Variants in HS6ST3 observed in about 807,000 individuals in gnomAD.
HS6ST3 encodes the protein heparan-sulfate 6-O-sulfotransferase 3.
A neutral mutation model predicts 36.7 loss-of-function variants in HS6ST3; 12 were observed. The observed-to-expected ratio is 0.33, with a 90% CI of 0.21 to 0.53. The LOEUF is 0.53. Ranked by LOEUF, HS6ST3 falls within the 20% of genes least tolerant of loss-of-function variation. The probability of loss-of-function intolerance (pLI) is 0.95; values close to 1 mark genes in which losing one functional copy is unlikely to be tolerated. For missense variants in HS6ST3, 584 were observed against 640.9 expected (o/e 0.91, Z 0.96); for synonymous variants, 240 against 257.5 (o/e 0.93, Z 0.65).
chr13:96,623,250 A>G (rs1430732669), intron 1 of HS6ST3, among the ~76,000 whole-genome samples: 1 of 152,168 alleles, frequency 6.6e-6, no homozygotes, highest in East Asian at 1.9e-4. Context: ...AGTCTATGTG[A>G]CAGCATATCT....
At chr13:96,469,236 T>G (rs756304996) in intron 1 of HS6ST3, among the ~76,000 whole-genome samples, 20 of 152,162 alleles carry the variant, frequency 1.3e-4, no homozygotes, top group Non-Finnish European at 2.9e-4. Flanking sequence ...CTTAAATACA[T>G]TTTAGAATTA....
At chr13:96,299,613 G>A (rs540165451) in intron 1 of HS6ST3, among the ~76,000 whole-genome samples, 2 of 152,260 alleles carry the variant, frequency 1.3e-5, no homozygotes, top group African/African-American at 4.8e-5. Context: ...GTCTCTAGAG[G>A]CAGCAAGTCC....
intron 1 of HS6ST3, among the ~76,000 whole-genome samples, chr13:96,758,603 C>T (rs949952322): frequency 6.6e-6 from 1 of 151,814 alleles, no homozygotes; most frequent in Non-Finnish European, 1.5e-5. Context: ...TATTATCTAA[C>T]TTTCTTTGTA....
intron 1 of HS6ST3, among the ~76,000 whole-genome samples, chr13:96,412,310 A>G (rs1222093934): frequency 1.3e-5 from 2 of 152,124 alleles, no homozygotes; most frequent in Non-Finnish European, 2.9e-5. Flanking sequence ...GCCGTGCCTG[A>G]TATTTCTAAG....
chr13:96,133,612 G>T (rs942388148), intron 1 of HS6ST3, among the ~76,000 whole-genome samples: 2 of 151,750 alleles, frequency 1.3e-5, no homozygotes, highest in Admixed American at 6.6e-5. Context: ...TAGTAGAATC[G>T]GGGTTTCGCC....
chr13:96,429,324 A>C (rs1187101526), intron 1 of HS6ST3, among the ~76,000 whole-genome samples: 1 of 152,222 alleles, frequency 6.6e-6, no homozygotes, highest in African/African-American at 2.4e-5. Context: ...ATATTATAAA[A>C]TGAACATTGG....
At chr13:96,514,413 G>A (rs941413833) in intron 1 of HS6ST3, among the ~76,000 whole-genome samples, 1 of 152,162 alleles carries the variant, frequency 6.6e-6, no homozygotes, top group Admixed American at 6.5e-5. Context: ...GGTGGCTGCT[G>A]TGGACTGAAT....
chr13:96,170,603 G>A (rs1239367532), intron 1 of HS6ST3, among the ~76,000 whole-genome samples: 2 of 152,088 alleles, frequency 1.3e-5, no homozygotes, highest in Non-Finnish European at 2.9e-5. Flanking sequence ...GCTAACACCT[G>A]GAGAAAAGCT....
At chr13:96,798,499 G>C (rs1484845140) in intron 1 of HS6ST3, among the ~76,000 whole-genome samples, 3 of 152,028 alleles carry the variant, frequency 2.0e-5, no homozygotes, top group African/African-American at 7.2e-5. Flanking sequence ...GGGATTTTAG[G>C]AGTTGTGCGC....
At chr13:96,327,612 G>T (rs910952508) in intron 1 of HS6ST3, among the ~76,000 whole-genome samples, 4 of 151,836 alleles carry the variant, frequency 2.6e-5, no homozygotes, top group East Asian at 1.9e-4. Context: ...GTCAGGTAGC[G>T]TGATGCCTCC....
chr13:96,624,002 T>G (rs1464969763), intron 1 of HS6ST3, among the ~76,000 whole-genome samples: 3 of 152,244 alleles, frequency 2.0e-5, no homozygotes. Context: ...CTACCTTTTG[T>G]CAAATCTTGC....
At chr13:96,680,196 C>T (rs917673367) in intron 1 of HS6ST3, among the ~76,000 whole-genome samples, 7 of 152,070 alleles carry the variant, frequency 4.6e-5, no homozygotes, top group African/African-American at 7.2e-5. Context: ...CCACACAGTC[C>T]TTGGCCTCTC....
chr13:96,100,982 G>C (rs577637312), intron 1 of HS6ST3, among the ~76,000 whole-genome samples: 1 of 152,256 alleles, frequency 6.6e-6, no homozygotes, highest in East Asian at 1.9e-4. Flanking sequence ...TCCACCTAAA[G>C]AATGATGAGT....
intron 1 of HS6ST3, among the ~76,000 whole-genome samples, chr13:96,377,519 A>G (rs1434243596): frequency 6.6e-6 from 1 of 152,220 alleles, no homozygotes; most frequent in Non-Finnish European, 1.5e-5. Flanking sequence ...TCTTCTAGAC[A>G]TAGTTATGAG....
In HS6ST3 at chr13:96,455,387, AT is replaced by A. The variant is rs111508131; in HGVS notation, c.707+363830del. 3.3e-3 allele frequency among the ~76,000 whole-genome samples: 471 copies of A among 143,260 alleles called. 1 individual carries two copies. Among genetic ancestry groups the A allele is most frequent in the African/African-American group, 6.9e-3 (270 of 39,214 alleles). The allele number at this position is 143,260 out of a possible 152,430, so 94.0% of individuals were successfully genotyped here. A position where few individuals can be genotyped will look rare whatever the true frequency, so the allele number is the denominator to read the frequency against. ...GGCGTGTACCACTATGCCCAGCTAC[AT>A]TTTTTTTTTTTCTATTTTTTGTAGA... On this transcript the variant is annotated intron_variant, in intron 1 of 1. Coordinates refer to ENST00000376705, the MANE Select transcript of HS6ST3 (RefSeq NM_153456.4).
At chr13:96,452,756 A>G (rs1455253260) in intron 1 of HS6ST3, among the ~76,000 whole-genome samples, 1 of 152,054 alleles carries the variant, frequency 6.6e-6, no homozygotes, top group Non-Finnish European at 1.5e-5. Context: ...TTTTATTTCC[A>G]TACCCTGGAG....
intron 1 of HS6ST3, among the ~76,000 whole-genome samples, chr13:96,736,956 G>C (rs557523829): frequency 1.3e-5 from 2 of 152,132 alleles, no homozygotes; most frequent in South Asian, 4.2e-4. Flanking sequence ...CTGAAGTCAG[G>C]CTCGAAATCA....
chr13:96,447,296 C>T (rs539507216), intron 1 of HS6ST3, among the ~76,000 whole-genome samples: 2 of 152,302 alleles, frequency 1.3e-5, no homozygotes, highest in East Asian at 1.9e-4. Flanking sequence ...TTCTCATCCC[C>T]GTTGAGACCT....
chr13:96,448,067 CT>C (rs2055707857), intron 1 of HS6ST3, among the ~76,000 whole-genome samples: 1 of 152,144 alleles, frequency 6.6e-6, no homozygotes, highest in Non-Finnish European at 1.5e-5. Flanking sequence ...GAGGCTTCAC[CT>C]AATTGTCCAT....
Sources: allele counts gnomAD v4.1 joint callset (sites outside exome capture counted in the v4.1 genomes callset), GRCh38; gene constraint gnomAD v4.1.1; transcripts MANE v1.5; gene names NCBI Gene and HGNC (gene_info 2026-07-23, HGNC 2026-07-21).